DLGAP2: variants seen among roughly 807,000 people sequenced by gnomAD.
DLGAP2 encodes the protein DLG associated protein 2, also known as disks large-associated protein 2.
A neutral mutation model predicts 100.3 loss-of-function variants in DLGAP2; 26 were observed. That is an observed-to-expected ratio of 0.26 (90% CI 0.19 to 0.36). The LOEUF (loss-of-function observed/expected upper bound fraction) is 0.36, where lower values mean the gene tolerates loss of function less well. Among genes scored for constraint, DLGAP2 ranks in the 10% least tolerant of loss-of-function variants. DLGAP2 has a pLI of 1.00. For missense variants in DLGAP2, 1,858 were observed against 1,453.2 expected, an observed-to-expected ratio of 1.28 and a Z score of -4.53; for synonymous variants, 886 against 630.1, an observed-to-expected ratio of 1.41 and a Z score of -6.08.
intron 3 of DLGAP2, among the ~76,000 whole-genome samples, chr8:1,500,030 G>C (rs576266389): frequency 1.3e-4 from 20 of 152,298 alleles, no homozygotes; most frequent in African/African-American, 3.8e-4. Flanking sequence ...GCCTGTCCAT[G>C]AATATTGGAA....
chr8:1,539,852 G>A (rs1347208623), intron 4 of DLGAP2, among the ~76,000 whole-genome samples: 1 of 150,414 alleles, frequency 6.6e-6, no homozygotes, highest in Non-Finnish European at 1.5e-5. Flanking sequence ...GTCCTTGTAG[G>A]GCCTCCCTTC....
chr8:920,256 C>T lies in DLGAP2; in HGVS notation c.73+12290C>T, dbSNP rs990831700. Among the ~76,000 whole-genome samples, 3 of 152,338 alleles carry T rather than the reference C, an allele frequency of 2.0e-5. No homozygotes were observed. The South Asian group carries it at 6.2e-4, about 32-fold the overall frequency. On this transcript the variant is annotated intron_variant, in intron 2 of 14. Coordinates refer to ENST00000637795, the MANE Select transcript of DLGAP2 (RefSeq NM_001346810.2). ...CAGAGGCACCCCTGCCTGGCACTTA[C>T]CCAAATTCTGGGCTCCCAGCAGGAC...
chr8:964,127 T>C (rs1799790598), intron 2 of DLGAP2, among the ~76,000 whole-genome samples: 1 of 152,196 alleles, frequency 6.6e-6, no homozygotes, highest in Admixed American at 6.5e-5. Context: ...ATGCTTCCCT[T>C]GTATTCTATG....
intron 3 of DLGAP2, among the ~76,000 whole-genome samples, chr8:1,431,319 TTAGTAATAGAG>T (rs1293318617): frequency 1.2e-4 from 19 of 152,242 alleles, no homozygotes; most frequent in Non-Finnish European, 1.0e-4. Flanking sequence ...AATTTAATGT[TTAGTAATAGAG>T]TAGGGGCTTT....
chr8:1,543,598 A>G (rs1457416659), intron 4 of DLGAP2, among the ~76,000 whole-genome samples: 1 of 152,026 alleles, frequency 6.6e-6, no homozygotes, highest in African/African-American at 2.4e-5. Flanking sequence ...GACTCTTGGG[A>G]TCCATAAGTG....
At chr8:1,008,493 TA>T (rs1801185442) in intron 2 of DLGAP2, among the ~76,000 whole-genome samples, 1 of 152,234 alleles carries the variant, frequency 6.6e-6, no homozygotes, top group Admixed American at 6.5e-5. Context: ...CATTTGTATA[TA>T]AAATCATATT....
chr8:1,278,352 G>A (rs369889589), intron 3 of DLGAP2, among the ~76,000 whole-genome samples: 1 of 152,164 alleles, frequency 6.6e-6, no homozygotes, highest in Non-Finnish European at 1.5e-5. Context: ...GCTCTCTGGG[G>A]ACTCTGCTCC....
At chr8:857,689 G>A (rs1268178022) in intron 1 of DLGAP2, among the ~76,000 whole-genome samples, 1 of 152,186 alleles carries the variant, frequency 6.6e-6, no homozygotes, top group African/African-American at 2.4e-5. Flanking sequence ...AAGTGCTGGT[G>A]AGGATGTGGA....
At chr8:1,098,399 G>T (rs1360832286) in intron 2 of DLGAP2, among the ~76,000 whole-genome samples, 1 of 152,232 alleles carries the variant, frequency 6.6e-6, no homozygotes, top group Non-Finnish European at 1.5e-5. Flanking sequence ...CACCCGACGT[G>T]TGACTGGCTC....
At chr8:1,013,629 G>A (rs1378651267) in intron 2 of DLGAP2, among the ~76,000 whole-genome samples, 2 of 132,662 alleles carry the variant, frequency 1.5e-5, no homozygotes, top group Admixed American at 7.0e-5. Flanking sequence ...CAGGACAGAC[G>A]GTGCCTCCAC....
At chr8:785,174 G>A (rs1249207763) in intron 1 of DLGAP2, among the ~76,000 whole-genome samples, 2 of 135,698 alleles carry the variant, frequency 1.5e-5, no homozygotes. Flanking sequence ...CAGAGATCGT[G>A]CCACTGCATT....
At chr8:893,075 C>G (rs1381399714) in intron 1 of DLGAP2, 3 of 152,170 alleles carry the variant, frequency 2.0e-5, no homozygotes, top group Non-Finnish European at 2.9e-5. Flanking sequence ...CTGCCTTTGC[C>G]TTTTACAAGA....
intron 3 of DLGAP2, among the ~76,000 whole-genome samples, chr8:1,276,682 A>G (rs1296889693): frequency 6.6e-6 from 1 of 151,866 alleles, no homozygotes; most frequent in Non-Finnish European, 1.5e-5. Context: ...GTCTGCTTGG[A>G]TGAGTAGAAC....
At chr8:1,008,608 T>G (rs1801188435) in intron 2 of DLGAP2, among the ~76,000 whole-genome samples, 1 of 152,246 alleles carries the variant, frequency 6.6e-6, no homozygotes, top group South Asian at 2.1e-4. Flanking sequence ...AGAGCTGCCT[T>G]TGTCAGTGGA....
At chr8:1,142,336 G>A (rs1796536421) in intron 2 of DLGAP2, among the ~76,000 whole-genome samples, 1 of 152,144 alleles carries the variant, frequency 6.6e-6, no homozygotes, top group African/African-American at 2.4e-5. Flanking sequence ...AGCATCACAT[G>A]CCTCATAATT....
intron 1 of DLGAP2, among the ~76,000 whole-genome samples, chr8:892,747 G>C (rs1798062652): frequency 6.6e-6 from 1 of 152,204 alleles, no homozygotes; most frequent in South Asian, 2.1e-4. Context: ...ATGGGTAGGA[G>C]AGGCCGAGCC....
At chr8:906,547 G>A (rs943548685) in intron 1 of DLGAP2, among the ~76,000 whole-genome samples, 4 of 152,220 alleles carry the variant, frequency 2.6e-5, no homozygotes, top group African/African-American at 9.7e-5. Context: ...GTGTGTGTGT[G>A]TTCTTGCACT....
intron 3 of DLGAP2, among the ~76,000 whole-genome samples, chr8:1,448,034 C>A (rs1017896232): frequency 2.6e-5 from 4 of 152,236 alleles, no homozygotes; most frequent in Admixed American, 2.6e-4. Context: ...TTTCAAAAAA[C>A]CAGCTCCTGG....
intron 3 of DLGAP2, among the ~76,000 whole-genome samples, chr8:1,350,101 T>A (rs1054415848): frequency 6.6e-6 from 1 of 152,240 alleles, no homozygotes; most frequent in East Asian, 1.9e-4. Context: ...TTTATTCATA[T>A]TTGTAAAATC....
Sources: allele counts gnomAD v4.1 joint callset (sites outside exome capture counted in the v4.1 genomes callset), GRCh38; gene constraint gnomAD v4.1.1; transcripts MANE v1.5; gene names NCBI Gene and HGNC (gene_info 2026-07-23, HGNC 2026-07-21).